Variants in CORO2B observed in about 807,000 individuals in gnomAD.
The protein encoded by CORO2B is coronin-2B.
In CORO2B, 26 loss-of-function variants were observed where a neutral mutation model predicts 58.8. That is an observed-to-expected ratio of 0.44 (90% CI 0.32 to 0.61). The LOEUF is 0.61. Ranked by LOEUF, CORO2B falls within the 20% of genes least tolerant of loss-of-function variation. The pLI is 0.04. For synonymous variants in CORO2B, 242 were observed against 253.8 expected, an observed-to-expected ratio of 0.95 and a Z score of 0.44; for missense variants, 460 against 645.1, an observed-to-expected ratio of 0.71 and a Z score of 3.11.
At chr15:68,531,597 G>GAAA in the CORO2B span, among the ~76,000 whole-genome samples, 14 of 128,860 alleles carry the variant, frequency 1.1e-4, no homozygotes, top group Non-Finnish European at 2.1e-4. Context: ...AAAGAAAGAA[G>GAAA]GAAGGAAGGA....
intron 3 of CORO2B, among the ~76,000 whole-genome samples, chr15:68,709,482 GAC>G (rs1892862914): frequency 2.4e-5 from 2 of 84,632 alleles, no homozygotes; most frequent in Non-Finnish European, 4.4e-5. Context: ...TTTTTTTTTA[GAC>G]AGAGTCTTGC....
intron 11 of CORO2B, 32 bp from the exon 12 acceptor site, chr15:68,725,811 C>T (rs1311991444): frequency 6.2e-7 from 1 of 1,611,926 alleles, no homozygotes; most frequent in Non-Finnish European, 8.5e-7. Context: ...TCTCCTGGGC[C>T]CTCCTTGGCC....
chr15:68,719,799 T>C (rs1893119024), intron 11 of CORO2B, among the ~76,000 whole-genome samples: 1 of 152,188 alleles, frequency 6.6e-6, no homozygotes, highest in Non-Finnish European at 1.5e-5. Flanking sequence ...CAGTTATGCA[T>C]CTCCTCATGA....
the CORO2B span, among the ~76,000 whole-genome samples, chr15:68,535,920 T>C: frequency 1.3e-5 from 2 of 152,238 alleles, no homozygotes; most frequent in African/African-American, 4.8e-5. Flanking sequence ...TTCTGGAACA[T>C]TGACCTTTAA....
chr15:68,562,394 G>A, the CORO2B span, among the ~76,000 whole-genome samples: 1 of 152,120 alleles, frequency 6.6e-6, no homozygotes, highest in African/African-American at 2.4e-5. Flanking sequence ...TGAACTGGGA[G>A]CCTCCCTAGG....
At chr15:68,575,391 G>T (rs1280028025), upstream of CORO2B, among the ~76,000 whole-genome samples, 1 of 149,884 alleles carries the variant, frequency 6.7e-6, no homozygotes, top group Non-Finnish European at 1.5e-5. Context: ...AGGCTGGAGT[G>T]CAGTGGCGCG....
chr15:68,661,762 T>A (rs142265147), intron 2 of CORO2B, among the ~76,000 whole-genome samples: 3 of 152,186 alleles, frequency 2.0e-5, no homozygotes, highest in Admixed American at 6.5e-5. Context: ...ATCCTAGCAC[T>A]TTGGGAGGCC....
At chr15:68,680,472 A>G (rs1185356876) in intron 2 of CORO2B, among the ~76,000 whole-genome samples, 3 of 152,168 alleles carry the variant, frequency 2.0e-5, no homozygotes, top group Non-Finnish European at 4.4e-5. Flanking sequence ...GCACAACAGA[A>G]GGCTCTGCAC....
intron 1 of CORO2B, among the ~76,000 whole-genome samples, chr15:68,616,331 T>C (rs1427271218): frequency 6.6e-6 from 1 of 152,212 alleles, no homozygotes; most frequent in Non-Finnish European, 1.5e-5. Context: ...TTTAAAAAGC[T>C]CTCTGGTCAT....
chr15:68,660,587 T>C (rs1355887183), intron 2 of CORO2B, among the ~76,000 whole-genome samples: 1 of 152,148 alleles, frequency 6.6e-6, no homozygotes, highest in African/African-American at 2.4e-5. Flanking sequence ...TCCAGGCTGG[T>C]CTTGAACTCC....
intron 1 of CORO2B, among the ~76,000 whole-genome samples, chr15:68,581,664 C>G (rs150501226): frequency 6.6e-6 from 1 of 151,906 alleles, no homozygotes; most frequent in Non-Finnish European, 1.5e-5. Flanking sequence ...AAGAAAGTCA[C>G]CTCTGATGGA....
At chr15:68,605,906 G>A (rs2140242354) in intron 1 of CORO2B, among the ~76,000 whole-genome samples, 1 of 152,042 alleles carries the variant, frequency 6.6e-6, no homozygotes, top group East Asian at 1.9e-4. Flanking sequence ...TGTATTTTTA[G>A]TAGAGACGGG....
chr15:68,704,435 A>G (rs1229747671), intron 3 of CORO2B, among the ~76,000 whole-genome samples: 1 of 152,104 alleles, frequency 6.6e-6, no homozygotes, highest in Admixed American at 6.5e-5. Flanking sequence ...CCTTACAGGT[A>G]TGAAGACAGA....
chr15:68,719,472 G>A lies in CORO2B; in HGVS notation c.1231G>A (p.Ala411Thr). Residue 411 changes from alanine (A) to threonine (T), a missense_variant, in exon 11 of 12, where the codon GCT becomes ACT. Transcript: ENST00000261861. Reference sequence around the variant, plus strand: ...GAAGTCCTCAAAAATGGTATTTAAGGCTCCCATCAAAGAAAAGAAGAGTGT... The same window carrying A: ...GAAGTCCTCAAAAATGGTATTTAAGACTCCCATCAAAGAAAAGAAGAGTGT... ...YKKSSKMVFK[A>T]PIKEKKSVVV... 1 of 1,614,126 alleles carries A rather than the reference G, an allele frequency of 6.2e-7. No homozygotes were observed. The highest frequency in any genetic ancestry group is 8.5e-7 in the Non-Finnish European group (1 of 1,180,004).
intron 1 of CORO2B, among the ~76,000 whole-genome samples, chr15:68,592,215 G>C (rs980520967): frequency 3.3e-5 from 5 of 152,214 alleles, no homozygotes; most frequent in African/African-American, 1.2e-4. Flanking sequence ...AGTCCTGCCA[G>C]CTTGCTTGCT....
chr15:68,576,167 A>AG, upstream of CORO2B, among the ~76,000 whole-genome samples: 1 of 148,616 alleles, frequency 6.7e-6, no homozygotes, highest in African/African-American at 2.5e-5. Context: ...AAAAAAAAAA[A>AG]AAAAAAAAAG....
At chr15:68,564,074 C>A in the CORO2B span, among the ~76,000 whole-genome samples, 1 of 152,164 alleles carries the variant, frequency 6.6e-6, no homozygotes, top group Non-Finnish European at 1.5e-5. Context: ...AAACTGTATG[C>A]CAATATCTTT....
chr15:68,568,315 G>A, the CORO2B span, among the ~76,000 whole-genome samples: 5 of 149,680 alleles, frequency 3.3e-5, no homozygotes, highest in Admixed American at 1.3e-4. Context: ...CTGTAAAGTC[G>A]GAGCGGTTAT....
At chr15:68,636,565 C>A (rs963657856) in intron 1 of CORO2B, among the ~76,000 whole-genome samples, 3 of 152,186 alleles carry the variant, frequency 2.0e-5, no homozygotes, top group Admixed American at 6.5e-5. Context: ...GGAGGAATTC[C>A]AATTTCCTGG....
Sources: gnomAD v4.1 joint callset for allele counts (sites outside exome capture counted in the v4.1 genomes callset) on GRCh38, gnomAD v4.1.1 for gene constraint, MANE v1.5 for transcripts, NCBI Gene and HGNC (gene_info 2026-07-23, HGNC 2026-07-21) for gene names.